SLC2A13: variants seen among roughly 807,000 people sequenced by gnomAD.
The protein encoded by SLC2A13 is solute carrier family 2 member 13.
In SLC2A13, 32 loss-of-function variants were observed where a neutral mutation model predicts 64.4. The ratio of observed to expected loss-of-function variants is 0.50; its 90% CI spans 0.37 to 0.67. The LOEUF (loss-of-function observed/expected upper bound fraction) is 0.67, where lower values mean the gene tolerates loss of function less well. Ranked by LOEUF, SLC2A13 falls within the 30% of genes least tolerant of loss-of-function variation. SLC2A13 has a pLI of 0.00. For synonymous variants in SLC2A13, 338 were observed against 327.1 expected (o/e 1.03, Z -0.36); for missense variants, 743 against 829.2 (o/e 0.90, Z 1.28).
rs990720741 is a variant in SLC2A13 at position 39,896,142 on chromosome 12, CTATA to C, written c.1035-24185_1035-24182del. Among the ~76,000 whole-genome samples, 4 of 141,134 alleles carry C rather than the reference CTATA, an allele frequency of 2.8e-5. No homozygotes were observed. In the Admixed American group the frequency reaches 2.9e-4, roughly 10 times the overall value. 92.6% of individuals were successfully genotyped at this position (141,134 alleles called of 152,430 possible). A position where few individuals can be genotyped will look rare whatever the true frequency, so the allele number is the denominator to read the frequency against. On this transcript the variant is annotated intron_variant, in intron 4 of 9. Coordinates refer to ENST00000280871, the MANE Select transcript of SLC2A13 (RefSeq NM_052885.4). The stretch of plus-strand genomic sequence containing the variant: ...CATACATATATGTATACACGTGTAC[CTATA>C]TATGTATACACGTGTATACATATAT...
chr12:39,862,938 A>T (rs1943799804), intron 6 of SLC2A13, among the ~76,000 whole-genome samples: 1 of 152,206 alleles, frequency 6.6e-6, no homozygotes, highest in South Asian at 2.1e-4. Flanking sequence ...AGAGGATTAT[A>T]GATGGTTTTA....
intron 4 of SLC2A13, among the ~76,000 whole-genome samples, chr12:39,921,555 T>C (rs1945615922): frequency 6.6e-6 from 1 of 152,112 alleles, no homozygotes; most frequent in Non-Finnish European, 1.5e-5. Context: ...AGTCCATGAT[T>C]GGTGAAGAAC....
chr12:39,872,827 T>C (rs1944089709), intron 4 of SLC2A13, among the ~76,000 whole-genome samples: 1 of 152,228 alleles, frequency 6.6e-6, no homozygotes, highest in Admixed American at 6.5e-5. Flanking sequence ...AATTCAAATC[T>C]TAAATACACA....
At position 39,895,828 on chromosome 12, in the gene SLC2A13, G is replaced by A. The variant is rs62647580; in HGVS notation, c.1035-23867C>T. 3.4e-3 allele frequency among the ~76,000 whole-genome samples: 313 copies of A among 91,676 alleles called. 71 individuals carry two copies. In the East Asian group the frequency reaches 0.046, roughly 13 times the overall value. The allele number at this position is 91,676 out of a possible 152,430, so 60.1% of individuals were successfully genotyped here. A position where few individuals can be genotyped will look rare whatever the true frequency, so the allele number is the denominator to read the frequency against. On this transcript the variant is annotated intron_variant, in intron 4 of 9. Coordinates refer to ENST00000280871, the MANE Select transcript of SLC2A13 (RefSeq NM_052885.4). ...CGTGTATACGTACACACATGTATAT[G>A]CGTGTATATGCACACACATATGTAT...
intron 3 of SLC2A13, among the ~76,000 whole-genome samples, chr12:39,957,152 C>T (rs1371648732): frequency 1.3e-5 from 2 of 152,162 alleles, no homozygotes; most frequent in Admixed American, 6.6e-5. Flanking sequence ...AATTTCCTAT[C>T]ATCATCAGAG....
chr12:40,021,460 T>G (rs1387420249), intron 3 of SLC2A13, among the ~76,000 whole-genome samples: 1 of 152,216 alleles, frequency 6.6e-6, no homozygotes, highest in Admixed American at 6.5e-5. Flanking sequence ...GTGTATTGTT[T>G]TAATAGTCCT....
chr12:39,874,053 G>A (rs1041488828), intron 4 of SLC2A13, among the ~76,000 whole-genome samples: 1 of 152,174 alleles, frequency 6.6e-6, no homozygotes, highest in Non-Finnish European at 1.5e-5. Flanking sequence ...GAATGAAATG[G>A]AAAGACAATA....
intron 1 of SLC2A13, among the ~76,000 whole-genome samples, chr12:40,050,400 G>A (rs1948235697): frequency 6.6e-6 from 1 of 152,134 alleles, no homozygotes; most frequent in Non-Finnish European, 1.5e-5. Context: ...CTCAGACCCT[G>A]ATAAAGTTCG....
At chr12:39,798,454 A>T (rs1941656219) in intron 7 of SLC2A13, among the ~76,000 whole-genome samples, 1 of 152,280 alleles carries the variant, frequency 6.6e-6, no homozygotes, top group Non-Finnish European at 1.5e-5. Context: ...AGTAACTGAA[A>T]GCAAAAGGAG....
At chr12:39,937,450 T>A (rs1453376868) in intron 4 of SLC2A13, among the ~76,000 whole-genome samples, 1 of 152,172 alleles carries the variant, frequency 6.6e-6, no homozygotes, top group Non-Finnish European at 1.5e-5. Context: ...CTCAGATATA[T>A]TGGGGACAAG....
intron 7 of SLC2A13, among the ~76,000 whole-genome samples, chr12:39,781,912 A>G (rs555747945): frequency 6.6e-6 from 1 of 152,302 alleles, no homozygotes; most frequent in East Asian, 1.9e-4. Flanking sequence ...GATCAGCTCT[A>G]CCACCTGGTA....
At chr12:40,090,953 C>T (rs536595442) in intron 1 of SLC2A13, among the ~76,000 whole-genome samples, 26 of 152,240 alleles carry the variant, frequency 1.7e-4, no homozygotes, top group Admixed American at 2.0e-4. Flanking sequence ...TTAGCCACAG[C>T]GACACATTCT....
At chr12:39,887,563 G>C (rs1035254649) in intron 4 of SLC2A13, among the ~76,000 whole-genome samples, 10 of 152,174 alleles carry the variant, frequency 6.6e-5, no homozygotes, top group Non-Finnish European at 5.9e-5. Flanking sequence ...GTGATGGTGG[G>C]GCAAGAAATT....
intron 7 of SLC2A13, chr12:39,802,310 A>G (rs1279418146): frequency 1.3e-5 from 2 of 152,344 alleles, no homozygotes; most frequent in African/African-American, 4.8e-5. Flanking sequence ...CTGAATGACA[A>G]TAAGAAGCCA....
intron 6 of SLC2A13, among the ~76,000 whole-genome samples, chr12:39,851,519 T>C (rs1943467860): frequency 6.6e-6 from 1 of 152,222 alleles, no homozygotes; most frequent in Non-Finnish European, 1.5e-5. Context: ...ATGGCCCTAA[T>C]GTACAACACC....
intron 1 of SLC2A13, among the ~76,000 whole-genome samples, chr12:40,053,463 A>C (rs908661359): frequency 6.6e-6 from 1 of 152,070 alleles, no homozygotes; most frequent in Non-Finnish European, 1.5e-5. Context: ...TAACCTTTGT[A>C]ATGTGCCATT....
At chr12:39,938,164 T>C (rs1302258835) in intron 4 of SLC2A13, among the ~76,000 whole-genome samples, 1 of 152,102 alleles carries the variant, frequency 6.6e-6, no homozygotes, top group African/African-American at 2.4e-5. Context: ...AACACAGATG[T>C]AGTTGCTCCC....
At chr12:39,809,091 G>T (rs1209883977) in intron 7 of SLC2A13, among the ~76,000 whole-genome samples, 2 of 152,096 alleles carry the variant, frequency 1.3e-5, no homozygotes, top group African/African-American at 4.8e-5. Flanking sequence ...TGTTTAGGGT[G>T]TAAGAGTTGA....
intron 3 of SLC2A13, among the ~76,000 whole-genome samples, chr12:39,970,395 A>G (rs1205727380): frequency 1.3e-5 from 2 of 152,154 alleles, no homozygotes; most frequent in African/African-American, 4.8e-5. Flanking sequence ...ATTAAACTCT[A>G]CTTGGTAATA....
Sources: gnomAD v4.1 joint callset for allele counts (sites outside exome capture counted in the v4.1 genomes callset) on GRCh38, gnomAD v4.1.1 for gene constraint, MANE v1.5 for transcripts, NCBI Gene and HGNC (gene_info 2026-07-23, HGNC 2026-07-21) for gene names.